Variants in CACTIN observed in about 807,000 individuals in gnomAD.
CACTIN encodes cactin, spliceosome C complex subunit, also known as splicing factor Cactin.
CACTIN carries 20 observed loss-of-function variants against 84.9 expected under a neutral mutation model. The ratio of observed to expected loss-of-function variants is 0.24; its 90% CI spans 0.17 to 0.34. CACTIN has a LOEUF of 0.34. CACTIN is among the 10% of genes least tolerant of loss of function. The pLI is 1.00. For missense variants in CACTIN, 897 were observed against 1,117.2 expected (o/e 0.80, Z 2.81); for synonymous variants, 549 against 467.9 (o/e 1.17, Z -2.24).
intron 7 of CACTIN, chr19:3,614,015 T>C: frequency 2.2e-6 from 1 of 449,974 alleles, no homozygotes. Flanking sequence ...GCAGCAGCGC[T>C]GGGAGGGCGC....
In CACTIN at chr19:3,611,812, C is replaced by T. The variant is rs762287590; in HGVS notation, c.*111G>A. ...AAGAAAGATGCGGCCTGAGGTGGGA[C>T]GTGAACCCGCGGCCCTGCAGCCCAG... On this transcript the variant is annotated 3_prime_UTR_variant, in exon 10 of 10. Transcript: ENST00000429344. 1.2e-5 allele frequency: 16 copies of T among 1,357,418 alleles called. 1 individual carries two copies. Among genetic ancestry groups the T allele is most frequent in the African/African-American group, 4.3e-5 (3 of 69,574 alleles). The allele number at this position is 1,357,418 out of a possible 1,614,324, so 84.1% of individuals were successfully genotyped here.
Position 3,626,695 on chromosome 19 carries a change from C to A in CACTIN, c.68G>T (p.Ser23Ile). 2 of 1,514,924 alleles carry A rather than the reference C, an allele frequency of 1.3e-6. No homozygotes were observed. The highest frequency in any genetic ancestry group is 2.7e-5 in the East Asian group (1 of 36,870). 93.8% of individuals were successfully genotyped at this position (1,514,924 alleles called of 1,614,324 possible). ...GRRGRRRQSQ[S>I]GSRSRSRSHG... ...GCTCCTGCTCCGACTTCGGCTCCCG[C>A]TCTGACTCTGCCGCCTTCGGCCCCG... Residue 23 changes from serine (S) to isoleucine (I), a missense_variant, in exon 1 of 10, where the codon AGC becomes ATC. Physicochemically the swap from Ser to Ile is moderately radical, Grantham distance 142. This residue lies in a region of CACTIN where 261 missense variants were observed against 243.8 expected (regional missense o/e 1.07). Transcript: ENST00000429344.
At position 3,624,889 on chromosome 19, in the gene CACTIN, G is replaced by A. The variant is rs185724572; in HGVS notation, c.168-727C>T. On this transcript the variant is annotated intron_variant, in intron 1 of 9. Coordinates refer to ENST00000429344, the MANE Select transcript of CACTIN (RefSeq NM_001080543.2). Reference sequence around the variant, plus strand: ...TCTACTAGACACAGAGTCTACTAGAGACAAGGTCTATATTTTTATTTATTA... The same window carrying A: ...TCTACTAGACACAGAGTCTACTAGAAACAAGGTCTATATTTTTATTTATTA... Among the ~76,000 whole-genome samples, 62 of 152,182 alleles carry A rather than the reference G, an allele frequency of 4.1e-4. No individual in the cohort carries two copies. The East Asian group carries it at 0.011, about 27-fold the overall frequency.
chr19:3,614,611 G>T, intron 6 of CACTIN, 22 bp from the exon 7 acceptor site: 1 of 1,575,970 alleles, frequency 6.3e-7, no homozygotes, highest in Non-Finnish European at 8.6e-7. Flanking sequence ...TGGGGGCATG[G>T]GGGGGCGGTT....
chr19:3,614,576 C>T lies in CACTIN; in HGVS notation c.1176G>A (p.Glu392=). The T allele has an allele frequency of 1.9e-6, 3 of 1,602,506 alleles. No homozygotes were observed. The highest frequency in any genetic ancestry group is 2.2e-5 in the South Asian group (2 of 89,154). Residue 392 remains glutamate, a synonymous_variant, in exon 7 of 10, where the codon GAG becomes GAA. Coordinates refer to ENST00000429344, the MANE Select transcript of CACTIN (RefSeq NM_001080543.2). ...CAGAGCTGACGGAGGCGTTGACCCC[C>T]TCGCGGCGCTCACCTGCAGCGGGGT... ...ASGKGPGERR[E]GVNASVSSDV... is the part of the protein sequence containing the mutation.
In CACTIN at chr19:3,613,268, C is replaced by T; in HGVS notation, c.1576G>A (p.Asp526Asn). 6.2e-7 allele frequency: 1 copy of T among 1,608,004 alleles called. No homozygotes were observed. The highest frequency in any genetic ancestry group is 8.5e-7 in the Non-Finnish European group (1 of 1,178,752). ...EVDGATPTEGDGDGDGEGEGE... is the reference protein window; with the variant it reads ...EVDGATPTEGNGDGDGEGEGE... ...TCGCCCTCACCGTCCCCGTCGCCGT[C>T]GCCCTCTGTCGGGGTCGCGCCGTCC... The change falls in exon 9 of 10, where the codon GAC (aspartate) becomes AAC (asparagine). Residue 526 changes from aspartate (D) to asparagine (N), a missense_variant. Around this residue, in one of 8 missense-constraint regions of CACTIN, gnomAD observed 243 missense variants for 239.9 expected, o/e 1.01. Transcript: ENST00000429344.
At chr19:3,626,212 G>C (rs931365779) in intron 1 of CACTIN, among the ~76,000 whole-genome samples, 5 of 152,078 alleles carry the variant, frequency 3.3e-5, no homozygotes, top group African/African-American at 1.2e-4. Context: ...AAGCCAGAAA[G>C]TATGCAGAGT....
At chr19:3,618,055 G>A (rs929934681) in intron 6 of CACTIN, among the ~76,000 whole-genome samples, 18 of 152,334 alleles carry the variant, frequency 1.2e-4, no homozygotes, top group African/African-American at 4.3e-4. Context: ...GGGAGGGCAG[G>A]GGAAGGACCG....
In CACTIN at chr19:3,614,584, G is replaced by C; in HGVS notation, c.1168C>G (p.Arg390Gly). Reference sequence around the variant, plus strand: ...ACGGAGGCGTTGACCCCCTCGCGGCGCTCACCTGCAGCGGGGTGGGGGCAT... The same window carrying C: ...ACGGAGGCGTTGACCCCCTCGCGGCCCTCACCTGCAGCGGGGTGGGGGCAT... ...LEASGKGPGE[R>G]REGVNASVSS... The change falls in exon 7 of 10, where the codon CGC becomes GGC. Residue 390 changes from arginine to glycine, a missense_variant. Transcript: ENST00000429344. 6.3e-7 allele frequency: 1 copy of C among 1,599,992 alleles called. No individual in the cohort carries two copies. Among genetic ancestry groups the C allele is most frequent in the Non-Finnish European group, 8.5e-7 (1 of 1,173,814 alleles).
At position 3,620,248 on chromosome 19, in the gene CACTIN, C is replaced by A; in HGVS notation, c.763G>T (p.Glu255Ter). Reference sequence around the variant, plus strand: ...TGCTCGCGCATGGCCTTCTCCCGCTCCCGCTCCAGCCGCAGCTGCTTCACC... The same window carrying A: ...TGCTCGCGCATGGCCTTCTCCCGCTACCGCTCCAGCCGCAGCTGCTTCACC... ...QKVKQLRLER[E>*]REKAMREQEL... The change falls in exon 4 of 10, where the codon GAG (glutamate) becomes TAG (stop). Residue 255 changes from glutamate to a stop codon, truncating the protein, a stop_gained. Transcript: ENST00000429344. LOFTEE classifies it high-confidence loss of function. 6.3e-7 allele frequency: 1 copy of A among 1,579,870 alleles called. No homozygotes were observed. Among genetic ancestry groups the A allele is most frequent in the Non-Finnish European group, 8.6e-7 (1 of 1,168,040 alleles).
chr19:3,618,906 G>A lies in CACTIN; in HGVS notation c.1131C>T (p.Leu377=), dbSNP rs867181065. 6.4e-7 allele frequency: 1 copy of A among 1,555,956 alleles called. No homozygotes were observed. The highest frequency in any genetic ancestry group is 1.9e-5 in the Admixed American group (1 of 51,684). ...CCTTGCCCGAGGCCTCCAGCTTGCG[G>A]AGCTTGGAGATCTCGTCCTCGGTGA... ...TTITEDEISK[L]RKLEASGKGP... is the part of the protein sequence containing the mutation. Residue 377 remains leucine (L), a synonymous_variant, in exon 6 of 10, where the codon CTC becomes CTT. Transcript: ENST00000429344.
At chr19:3,623,266 A>C (rs907985383) in intron 2 of CACTIN, among the ~76,000 whole-genome samples, 6 of 146,342 alleles carry the variant, frequency 4.1e-5, no homozygotes, top group Non-Finnish European at 6.0e-5. Context: ...GTGGTGGCTC[A>C]CGCCTGTAAT....
Position 3,618,910 on chromosome 19 carries a change from T to C in CACTIN, c.1127A>G (p.Lys376Arg). The C allele has an allele frequency of 1.9e-6, 3 of 1,556,792 alleles. No homozygotes were observed. Among genetic ancestry groups the C allele is most frequent in the African/African-American group, 1.4e-5 (1 of 73,430 alleles). Residue 376 changes from lysine (K) to arginine (R), a missense_variant, in exon 6 of 10, where the codon AAG (lysine) becomes AGG (arginine). By Grantham distance (26) the Lys-to-Arg change is conservative. Transcript: ENST00000429344. The part of the protein sequence containing the change: ...MTTITEDEIS[K>R]LRKLEASGKG... ...GCCCGAGGCCTCCAGCTTGCGGAGC[T>C]TGGAGATCTCGTCCTCGGTGATGGT...
intron 9 of CACTIN, 104 bp from the exon 10 acceptor site, chr19:3,612,517 G>A (rs2032986818): frequency 2.1e-6 from 3 of 1,437,132 alleles, no homozygotes; most frequent in East Asian, 2.5e-5. Flanking sequence ...CCCGCAAAAG[G>A]AAAACAGGCT....
chr19:3,613,112 G>T lies in CACTIN; in HGVS notation c.1732C>A (p.Pro578Thr). ...ELPLDAHVLE[P>T]DEDLQRLQLS... ...TGCAGGCGCTGCAGGTCCTCATCCGGTTCCAGCACGTGCGCGTCCAGTGGC... is the reference window on the plus strand; with the variant it reads ...TGCAGGCGCTGCAGGTCCTCATCCGTTTCCAGCACGTGCGCGTCCAGTGGC... Residue 578 changes from proline to threonine, a missense_variant, in exon 9 of 10, where the codon CCG becomes ACG. By Grantham distance (38) the Pro-to-Thr change is conservative. This residue lies in a region of CACTIN where 243 missense variants were observed against 239.9 expected (regional missense o/e 1.01). Transcript: ENST00000429344. 6.2e-7 allele frequency: 1 copy of T among 1,603,510 alleles called. No individual in the cohort carries two copies.
rs1022188461 is a variant in CACTIN at position 3,610,897 on chromosome 19, G to A, written c.*1026C>T. Reference sequence around the variant, plus strand: ...TCTGTTGGAGATGTTCCCGTCGGATGCTGAAGAACAAGCCTGCCGGCTGGG... The same window carrying A: ...TCTGTTGGAGATGTTCCCGTCGGATACTGAAGAACAAGCCTGCCGGCTGGG... On this transcript the variant is annotated 3_prime_UTR_variant, in exon 10 of 10. Transcript: ENST00000429344. 6.6e-6 allele frequency: 3 copies of A among 456,666 alleles called. No homozygotes were observed. Among genetic ancestry groups the A allele is most frequent in the Non-Finnish European group, 1.3e-5 (3 of 226,998 alleles). The allele number at this position is 456,666 out of a possible 1,614,324, so 28.3% of individuals were successfully genotyped here.
chr19:3,613,471 TG>T lies in CACTIN; in HGVS notation c.1470del (p.Ser491AlafsTer56). 1 of 1,578,692 alleles carries T rather than the reference TG, an allele frequency of 6.3e-7. No individual in the cohort carries two copies. On this transcript the variant is annotated frameshift_variant, in exon 8 of 10. Coordinates refer to ENST00000429344, the MANE Select transcript of CACTIN (RefSeq NM_001080543.2). LOFTEE classifies it high-confidence loss of function. Reference sequence around the variant, plus strand: ...GGTGCCGGCCGGGCCTACCTGCGGCTGGGGGACTGGGGCTCCTGCTTGAGGA... The same window carrying T: ...GGTGCCGGCCGGGCCTACCTGCGGCTGGGGACTGGGGCTCCTGCTTGAGGA... The part of the protein sequence containing the change: ...FPILKQEPQS[P>X]SRSLEPEDAA...
At chr19:3,621,287 C>G (rs2033219523) in intron 2 of CACTIN, among the ~76,000 whole-genome samples, 1 of 152,236 alleles carries the variant, frequency 6.6e-6, no homozygotes, top group Non-Finnish European at 1.5e-5. Flanking sequence ...CCTGTGGGGT[C>G]ATGGGGCCCC....
At chr19:3,614,677 G>GACCCCCCCAT in intron 6 of CACTIN, 88 bp from the exon 7 acceptor site, 2 of 1,072,410 alleles carry the variant, frequency 1.9e-6, no homozygotes, top group Non-Finnish European at 2.8e-6. Context: ...TGCCATGGGG[G>GACCCCCCCAT]GGTCCCCCTC....
Sources: gnomAD v4.1 joint callset for allele counts (sites outside exome capture counted in the v4.1 genomes callset) on GRCh38, gnomAD v4.1.1 for gene constraint, gnomAD v4.1.1 regional missense constraint, MANE v1.5 for transcripts, NCBI Gene and HGNC (gene_info 2026-07-23, HGNC 2026-07-21) for gene names.